The following TMEM232 variants were observed in gnomAD, a reference collection of about 807,000 sequenced individuals.
The protein encoded by TMEM232 is transmembrane protein 232.
A neutral mutation model predicts 78.8 loss-of-function variants in TMEM232; 80 were observed. That is an observed-to-expected ratio of 1.01 (90% CI 0.85 to 1.22). TMEM232 has a LOEUF of 1.22. TMEM232 is among the 50% of genes most tolerant of loss of function. The pLI is 0.00. For synonymous variants in TMEM232, 297 were observed against 254.3 expected, an observed-to-expected ratio of 1.17 and a Z score of -1.60; for missense variants, 881 against 742.2, an observed-to-expected ratio of 1.19 and a Z score of -2.17.
rs2150004766 is a variant in TMEM232, at chr5:110,638,430, G to A, written c.344-75C>T. ...TTTCCACATGCTATAATTACTTTTTGTAATTATTTCCTGTCATTAAGACCA... is the reference window on the plus strand; with the variant it reads ...TTTCCACATGCTATAATTACTTTTTATAATTATTTCCTGTCATTAAGACCA... On this transcript the variant is annotated intron_variant, in intron 4 of 13. Transcript: ENST00000455884. The A allele has an allele frequency of 6.6e-6, 9 of 1,370,164 alleles. No individual in the cohort carries two copies. The Middle Eastern group carries it at 1.2e-3, about 188-fold the overall frequency. 84.9% of individuals were successfully genotyped at this position (1,370,164 alleles called of 1,614,324 possible). A position where few individuals can be genotyped will look rare whatever the true frequency, so the allele number is the denominator to read the frequency against.
At chr5:110,608,576 G>A (rs1376871441) in intron 8 of TMEM232, among the ~76,000 whole-genome samples, 1 of 151,962 alleles carries the variant, frequency 6.6e-6, no homozygotes, top group Non-Finnish European at 1.5e-5. Flanking sequence ...AGCTAACCTA[G>A]GATAGTCTCA....
At chr5:110,425,485 G>A (rs1000042224) in intron 12 of TMEM232, among the ~76,000 whole-genome samples, 1 of 152,052 alleles carries the variant, frequency 6.6e-6, no homozygotes, top group Non-Finnish European at 1.5e-5. Context: ...TGGGGGTAAA[G>A]GAGAAAGTCT....
chr5:110,537,293 T>TATATATA (rs1419509514), intron 11 of TMEM232, among the ~76,000 whole-genome samples: 1 of 123,990 alleles, frequency 8.1e-6, no homozygotes, highest in Admixed American at 7.6e-5. Flanking sequence ...ATATATATAT[T>TATATATA]TTTTTTTTTC....
chr5:110,443,432 G>T (rs574519684), intron 12 of TMEM232, among the ~76,000 whole-genome samples: 159 of 152,214 alleles, frequency 1.0e-3, no homozygotes, highest in African/African-American at 3.5e-3. Context: ...GGGCTTTTCA[G>T]TCAGCTTGTG....
chr5:110,672,954 T>C (rs966259794), intron 1 of TMEM232, among the ~76,000 whole-genome samples: 2 of 152,034 alleles, frequency 1.3e-5, no homozygotes, highest in Non-Finnish European at 2.9e-5. Context: ...CATTACTGGG[T>C]ATATACCCAA....
At chr5:110,699,903 T>C (rs925983444) in intron 1 of TMEM232, among the ~76,000 whole-genome samples, 1 of 152,054 alleles carries the variant, frequency 6.6e-6, no homozygotes, top group African/African-American at 2.4e-5. Flanking sequence ...GCTAAGGAGT[T>C]TCCTGATCCT....
At chr5:110,593,701 G>C (rs1248077903) in intron 10 of TMEM232, among the ~76,000 whole-genome samples, 1 of 151,912 alleles carries the variant, frequency 6.6e-6, no homozygotes, top group Non-Finnish European at 1.5e-5. Flanking sequence ...GGAGGAAATA[G>C]GGGTTGTCAA....
At chr5:110,515,821 T>A (rs1020358889) in intron 12 of TMEM232, among the ~76,000 whole-genome samples, 2 of 152,332 alleles carry the variant, frequency 1.3e-5, no homozygotes, top group Non-Finnish European at 2.9e-5. Flanking sequence ...GCCTTGGGTA[T>A]GCCCTTCCTG....
chr5:110,451,144 C>G (rs1760230596), intron 12 of TMEM232, among the ~76,000 whole-genome samples: 1 of 152,180 alleles, frequency 6.6e-6, no homozygotes, highest in South Asian at 2.1e-4. Flanking sequence ...GTTTCTGGAG[C>G]TACTATTACC....
At chr5:110,469,317 A>C (rs1408348228) in intron 12 of TMEM232, among the ~76,000 whole-genome samples, 5 of 152,192 alleles carry the variant, frequency 3.3e-5, no homozygotes, top group Non-Finnish European at 7.4e-5. Context: ...CCACTAAATC[A>C]TGCTTGTCTG....
intron 3 of TMEM232, among the ~76,000 whole-genome samples, chr5:110,394,526 G>A (rs1002641669): frequency 6.6e-6 from 1 of 152,120 alleles, no homozygotes; most frequent in African/African-American, 2.4e-5. Flanking sequence ...CTCCATAGTG[G>A]TTGTACTAAT....
intron 12 of TMEM232, among the ~76,000 whole-genome samples, chr5:110,436,786 G>A (rs972026796): frequency 2.6e-5 from 4 of 151,900 alleles, no homozygotes; most frequent in African/African-American, 9.7e-5. Context: ...ATTTGTTTCT[G>A]GGCTCTCTAC....
intron 1 of TMEM232, among the ~76,000 whole-genome samples, chr5:110,669,451 A>C (rs1428899276): frequency 6.6e-6 from 1 of 152,226 alleles, no homozygotes; most frequent in Non-Finnish European, 1.5e-5. Flanking sequence ...ATCCCTGAAT[A>C]GACCAATAAC....
chr5:110,615,536 G>C (rs964303487), intron 8 of TMEM232, among the ~76,000 whole-genome samples: 1 of 151,722 alleles, frequency 6.6e-6, no homozygotes, highest in African/African-American at 2.4e-5. Context: ...TATCCTCAAT[G>C]GTGAAAAGTT....
chr5:110,616,670 G>T (rs1346421468), intron 8 of TMEM232, among the ~76,000 whole-genome samples: 1 of 152,016 alleles, frequency 6.6e-6, no homozygotes, highest in African/African-American at 2.4e-5. Context: ...CTCAAAAGAA[G>T]ACATACTAAT....
chr5:110,643,446 G>A (rs1050153906), intron 2 of TMEM232, among the ~76,000 whole-genome samples: 9 of 151,968 alleles, frequency 5.9e-5, no homozygotes, highest in African/African-American at 1.9e-4. Context: ...GAGAGTATAC[G>A]AGAATTTCAA....
At chr5:110,437,924 A>G (rs759731293) in intron 12 of TMEM232, among the ~76,000 whole-genome samples, 1 of 152,088 alleles carries the variant, frequency 6.6e-6, no homozygotes, top group Non-Finnish European at 1.5e-5. Flanking sequence ...CTATTACTCA[A>G]ACTATCCCAA....
intron 11 of TMEM232, among the ~76,000 whole-genome samples, chr5:110,565,774 A>C (rs997287313): frequency 1.3e-5 from 2 of 151,962 alleles, no homozygotes; most frequent in African/African-American, 4.8e-5. Flanking sequence ...TGTCAATAAC[A>C]ATGTTAAATA....
At chr5:110,537,209 T>C (rs1772484045) in intron 11 of TMEM232, among the ~76,000 whole-genome samples, 3 of 152,092 alleles carry the variant, frequency 2.0e-5, no homozygotes, top group Admixed American at 6.6e-5. Flanking sequence ...CTATTCCACC[T>C]GATTCCCTGC....
Sources: gnomAD v4.1 joint callset for allele counts (sites outside exome capture counted in the v4.1 genomes callset) on GRCh38, gnomAD v4.1.1 for gene constraint, MANE v1.5 for transcripts, NCBI Gene and HGNC (gene_info 2026-07-23, HGNC 2026-07-21) for gene names.